The following JAK3 variants were observed in gnomAD, a reference collection of about 807,000 sequenced individuals.
JAK3 encodes the protein tyrosine-protein kinase JAK3.
A neutral mutation model predicts 120.8 loss-of-function variants in JAK3; 88 were observed. That is an observed-to-expected ratio of 0.73 (90% CI 0.61 to 0.87). The LOEUF is 0.87. Ranked by LOEUF, JAK3 falls within the 40% of genes least tolerant of loss-of-function variation. The pLI is 0.00. For synonymous variants in JAK3, 592 were observed against 628.6 expected (o/e 0.94, Z 0.87); for missense variants, 1,254 against 1,501.4 (o/e 0.84, Z 2.72).
In JAK3 at chr19:17,826,796, G is replaced by A. The variant is rs754575891; in HGVS notation, c.3322C>T (p.His1108Tyr). ...CCCTCTGGGTGAGCAGTGAAGGCAT[G>A]AGTCTCACACCCCCGGCTTCCGCTC... The part of the protein sequence containing the change: ...LWSGSRGCET[H>Y]AFTAHPEGKH... The change falls in exon 24 of 24, where the codon CAT (histidine) becomes TAT (tyrosine). Residue 1108 changes from histidine to tyrosine, a missense_variant. His to Tyr is a moderately conservative substitution (Grantham distance 83). This residue lies in a region of JAK3 where 630 missense variants were observed against 819.8 expected (regional missense o/e 0.77). Coordinates refer to ENST00000458235, the MANE Select transcript of JAK3 (RefSeq NM_000215.4). The A allele has an allele frequency of 4.3e-6, 7 of 1,614,116 alleles. No individual in the cohort carries two copies. The highest frequency in any genetic ancestry group is 1.6e-4 in the Middle Eastern group (1 of 6,062).
chr19:17,836,887 A>G, intron 13 of JAK3: 1 of 636,760 alleles, frequency 1.6e-6, no homozygotes, highest in Non-Finnish European at 2.9e-6. Context: ...AGCTGCAGAG[A>G]TTAGAAAGCC....
In JAK3 at chr19:17,838,080, C is replaced by G. The variant is rs766122144; in HGVS notation, c.1570-17G>C. On this transcript the variant is annotated splice_polypyrimidine_tract_variant and intron_variant, in intron 11 of 23. Coordinates refer to ENST00000458235, the MANE Select transcript of JAK3 (RefSeq NM_000215.4). ...GTTCTCATGCTGAATGGTGAGGGGA[C>G]AGCAGAAGAGGCCAGTGAGGGGGTT... 1 of 1,614,094 alleles carries G rather than the reference C, an allele frequency of 6.2e-7. No homozygotes were observed. The highest frequency in any genetic ancestry group is 1.1e-5 in the South Asian group (1 of 91,078).
chr19:17,831,916 G>A lies in JAK3; in HGVS notation c.2681-118C>T. 1.6e-6 allele frequency: 2 copies of A among 1,238,702 alleles called. No homozygotes were observed. Among genetic ancestry groups the A allele is most frequent in the Non-Finnish European group, 2.3e-6 (2 of 857,990 alleles). The allele number at this position is 1,238,702 out of a possible 1,614,324, so 76.7% of individuals were successfully genotyped here. A position where few individuals can be genotyped will look rare whatever the true frequency, so the allele number is the denominator to read the frequency against. The stretch of plus-strand genomic sequence containing the variant: ...ACCTCAGTTTTGCTGACTGTAATAT[G>A]GGAACCGCAACAATGACACATTGCT... On this transcript the variant is annotated intron_variant, in intron 19 of 23. Coordinates refer to ENST00000458235, the MANE Select transcript of JAK3 (RefSeq NM_000215.4). The surrounding 1 kb of genome is among the most constrained non-coding windows in gnomAD (Gnocchi z 5.1).
intron 23 of JAK3, among the ~76,000 whole-genome samples, chr19:17,828,425 T>G (rs2147672007): frequency 6.6e-6 from 1 of 151,886 alleles, no homozygotes; most frequent in South Asian, 2.1e-4. Flanking sequence ...CGGCTATTGC[T>G]TGTATTGTTT....
intron 14 of JAK3, 41 bp from the exon 15 acceptor site, chr19:17,835,256 A>C: frequency 1.9e-6 from 3 of 1,605,972 alleles, no homozygotes; most frequent in Non-Finnish European, 2.5e-6. Flanking sequence ...GGAGGGTTTG[A>C]TGAATGAAGA....
chr19:17,831,954 G>A lies in JAK3; in HGVS notation c.2681-156C>T, dbSNP rs771984026. On this transcript the variant is annotated intron_variant, in intron 19 of 23. Coordinates refer to ENST00000458235, the MANE Select transcript of JAK3 (RefSeq NM_000215.4). This position sits in a 1 kb window ranked among gnomAD's most constrained non-coding sequence, Gnocchi z 5.1. Reference sequence around the variant, plus strand: ...ATGACACATTGCTAATATCTCTTGAGTACTTTCTACAACATACATTGATGT... The same window carrying A: ...ATGACACATTGCTAATATCTCTTGAATACTTTCTACAACATACATTGATGT... Among the ~76,000 whole-genome samples, 38 of 152,286 alleles carry A rather than the reference G, an allele frequency of 2.5e-4. No individual in the cohort carries two copies. Among genetic ancestry groups the A allele is most frequent in the Non-Finnish European group, 2.6e-4 (18 of 68,026 alleles).
rs753577833 is a variant in JAK3, at chr19:17,831,726, C to A, written c.2753G>T (p.Arg918Leu). Residue 918 changes from arginine (R) to leucine (L), a missense_variant, in exon 20 of 24, where the codon CGC becomes CTC. Physicochemically the swap from Arg to Leu is moderately radical, Grantham distance 102. Transcript: ENST00000458235. The surrounding 1 kb of genome is among the most constrained non-coding windows in gnomAD (Gnocchi z 5.1). Reference protein sequence around the residue: ...GCLRDFLQRHRARLDASRLLL... With the variant: ...GCLRDFLQRHLARLDASRLLL... ...GAGGCGGCTGGCATCGAGGCGCGCG[C>A]GGTGCCGCTGCAGGAAGTCGCGCAA... 1 of 1,612,014 alleles carries A rather than the reference C, an allele frequency of 6.2e-7. No individual in the cohort carries two copies. Among genetic ancestry groups the A allele is most frequent in the Non-Finnish European group, 8.5e-7 (1 of 1,179,568 alleles).
rs755309429 is a variant in JAK3 at position 17,839,540 on chromosome 19, C to T, written c.1378G>A (p.Gly460Arg). 5 of 1,604,424 alleles carry T rather than the reference C, an allele frequency of 3.1e-6. No individual in the cohort carries two copies. In the South Asian group the frequency reaches 5.6e-5, roughly 18 times the overall value. ...LRELLATCWD[G>R]GLHVDGVAVT... Reference sequence around the variant, plus strand: ...GCCACCCCATCTACGTGCAGCCCCCCATCCCAGCAGGTTGCCAGGAGCTCT... The same window carrying T: ...GCCACCCCATCTACGTGCAGCCCCCTATCCCAGCAGGTTGCCAGGAGCTCT... The change falls in exon 10 of 24, where the codon GGG (glycine) becomes AGG (arginine). Residue 460 changes from glycine to arginine, a missense_variant. Gly to Arg is a moderately radical substitution (Grantham distance 125, BLOSUM62 -2). Coordinates refer to ENST00000458235, the MANE Select transcript of JAK3 (RefSeq NM_000215.4).
In JAK3 at chr19:17,841,290, C is replaced by T. The variant is rs2094237888; in HGVS notation, c.1142+99G>A. 1 of 1,299,264 alleles carries T rather than the reference C, an allele frequency of 7.7e-7. No homozygotes were observed. The highest frequency in any genetic ancestry group is 1.1e-6 in the Non-Finnish European group (1 of 948,748). 80.5% of individuals were successfully genotyped at this position (1,299,264 alleles called of 1,614,324 possible). On this transcript the variant is annotated intron_variant, in intron 8 of 23. Transcript: ENST00000458235. This position sits in a 1 kb window ranked among gnomAD's most constrained non-coding sequence, Gnocchi z 4.1. Reference sequence around the variant, plus strand: ...GGCAGGTGTGGTTTGAAAACTTGACCCCTGTCCAGGGCTCCTGGAAGGTGA... The same window carrying T: ...GGCAGGTGTGGTTTGAAAACTTGACTCCTGTCCAGGGCTCCTGGAAGGTGA...
At chr19:17,833,860 T>A (rs1393482784) in intron 17 of JAK3, among the ~76,000 whole-genome samples, 4 of 150,768 alleles carry the variant, frequency 2.7e-5, no homozygotes, top group Admixed American at 2.6e-4. Context: ...CTCAAAAATA[T>A]AAAATAAAAT....
rs2094256238 is a variant in JAK3, at chr19:17,847,950, C to G, written c.-18G>C. 2 of 1,033,010 alleles carry G rather than the reference C, an allele frequency of 1.9e-6. No homozygotes were observed. Among genetic ancestry groups the G allele is most frequent in the Admixed American group, 5.7e-5 (1 of 17,584 alleles). The allele number at this position is 1,033,010 out of a possible 1,614,324, so 64.0% of individuals were successfully genotyped here. On this transcript the variant is annotated 5_prime_UTR_variant, in exon 1 of 24. Transcript: ENST00000458235. ...TGCGGCATCGCCAGCTCTTACCTAG[C>G]GGGCAGGGACCCTGGACTTTCGAAG...
In JAK3 at chr19:17,847,928, G is replaced by C; in HGVS notation, c.-14+18C>G. 1 of 1,007,872 alleles carries C rather than the reference G, an allele frequency of 9.9e-7. No individual in the cohort carries two copies. The highest frequency in any genetic ancestry group is 1.2e-6 in the Non-Finnish European group (1 of 837,106). 62.4% of individuals were successfully genotyped at this position (1,007,872 alleles called of 1,614,324 possible). A position where few individuals can be genotyped will look rare whatever the true frequency, so the allele number is the denominator to read the frequency against. ...CCCCAGTGTCTGGGCCGAGCCCTGC[G>C]GCATCGCCAGCTCTTACCTAGCGGG... On this transcript the variant is annotated intron_variant, in intron 1 of 23. Transcript: ENST00000458235.
At chr19:17,836,257 C>G (rs985254213) in intron 13 of JAK3, among the ~76,000 whole-genome samples, 2 of 152,050 alleles carry the variant, frequency 1.3e-5, no homozygotes, top group African/African-American at 4.8e-5. Context: ...GGTGTTGAGC[C>G]CTGTCTGTAT....
Position 17,831,870 on chromosome 19 carries a change from T to G in JAK3, c.2681-72A>C, listed in dbSNP as rs2094215199. On this transcript the variant is annotated intron_variant, in intron 19 of 23. Coordinates refer to ENST00000458235, the MANE Select transcript of JAK3 (RefSeq NM_000215.4). This position sits in a 1 kb window ranked among gnomAD's most constrained non-coding sequence, Gnocchi z 5.1. ...CCCCCATTCTTCCCCCCTTTCACAG[T>G]GGGACCTTGTGTCCCTCTCGACCTC... The G allele has an allele frequency of 1.3e-6, 2 of 1,583,298 alleles. No homozygotes were observed. The highest frequency in any genetic ancestry group is 1.3e-5 in the African/African-American group (1 of 74,514).
Position 17,838,017 on chromosome 19 carries a change from C to A in JAK3, c.1616G>T (p.Cys539Phe), listed in dbSNP as rs777479500. Residue 539 changes from cysteine (C) to phenylalanine (F), a missense_variant, in exon 12 of 24, where the codon TGT (cysteine) becomes TTT (phenylalanine). Transcript: ENST00000458235. ...CTCCCCATCCACCACCTCATGGCGACAGCCCCGGTAAATCTTGGTGAAGGA... is the reference window on the plus strand; with the variant it reads ...CTCCCCATCCACCACCTCATGGCGAAAGCCCCGGTAAATCTTGGTGAAGGA... ...HGSFTKIYRG[C>F]RHEVVDGEAR... The A allele has an allele frequency of 6.2e-7, 1 of 1,614,032 alleles. No homozygotes were observed. Among genetic ancestry groups the A allele is most frequent in the African/African-American group, 1.3e-5 (1 of 74,904 alleles).
At chr19:17,840,679 C>G (rs954414421) in intron 8 of JAK3, among the ~76,000 whole-genome samples, 2 of 151,406 alleles carry the variant, frequency 1.3e-5, no homozygotes, top group Non-Finnish European at 2.9e-5. Context: ...AGGAGAATGG[C>G]GTGACCCTGG....
chr19:17,828,160 AC>A (rs1176196712), intron 23 of JAK3, among the ~76,000 whole-genome samples: 1 of 147,114 alleles, frequency 6.8e-6, no homozygotes, highest in African/African-American at 2.5e-5. Flanking sequence ...CTCTTTGACC[AC>A]CCCCACCCCA....
At chr19:17,829,549 C>T (rs1599865354) in intron 23 of JAK3, among the ~76,000 whole-genome samples, 1 of 151,496 alleles carries the variant, frequency 6.6e-6, no homozygotes, top group Non-Finnish European at 1.5e-5. Context: ...CTTGAGCCCA[C>T]GAGTTCAAGA....
chr19:17,840,962 T>C (rs1444122565), intron 8 of JAK3, among the ~76,000 whole-genome samples: 1 of 150,368 alleles, frequency 6.7e-6, no homozygotes, highest in Non-Finnish European at 1.5e-5. Flanking sequence ...GGACTACAGG[T>C]CAACCACCAC....
Sources: allele counts gnomAD v4.1 joint callset (sites outside exome capture counted in the v4.1 genomes callset), GRCh38; gene constraint gnomAD v4.1.1; regional missense constraint gnomAD v4.1.1; non-coding constraint Gnocchi (gnomAD v3.1); transcripts MANE v1.5; gene names NCBI Gene and HGNC (gene_info 2026-07-23, HGNC 2026-07-21).